SUMF1: variants seen among roughly 807,000 people sequenced by gnomAD.
SUMF1 encodes sulfatase modifying factor 1.
In SUMF1, 48 loss-of-function variants were observed where a neutral mutation model predicts 47.6. That is an observed-to-expected ratio of 1.01 (90% CI 0.80 to 1.28). The LOEUF (loss-of-function observed/expected upper bound fraction) is 1.28, where lower values mean the gene tolerates loss of function less well. Ranked by LOEUF, SUMF1 falls within the 50% of genes most tolerant of loss-of-function variation. The pLI, the probability that SUMF1 is intolerant of heterozygous loss-of-function variation, is 0.00. For missense variants in SUMF1, 571 were observed against 485.4 expected (o/e 1.18, Z -1.66); for synonymous variants, 230 against 192.1 (o/e 1.20, Z -1.63).
chr3:4,064,919 G>T (rs17039757), intron 9 of SUMF1, among the ~76,000 whole-genome samples: 7,050 of 152,262 alleles, frequency 0.046, 575 homozygotes, highest in African/African-American at 0.16. Flanking sequence ...ACAGCAAAAA[G>T]TGGTGAGTTT....
downstream of SUMF1, among the ~76,000 whole-genome samples, chr3:4,356,540 C>CT (rs1258002746): frequency 1.3e-5 from 2 of 152,050 alleles, no homozygotes; most frequent in Non-Finnish European, 2.9e-5. Flanking sequence ...TAGTACATTA[C>CT]TTACTTGATC....
chr3:4,218,409 C>T (rs73120076), intron 8 of SUMF1, among the ~76,000 whole-genome samples: 1,792 of 152,078 alleles, frequency 0.012, 40 homozygotes, highest in African/African-American at 0.041. Context: ...CACAGGCCTC[C>T]GGGAATAATA....
intron 8 of SUMF1, among the ~76,000 whole-genome samples, chr3:4,190,485 C>T (rs1695291580): frequency 1.4e-5 from 2 of 143,270 alleles, no homozygotes; most frequent in African/African-American, 6.0e-5. Flanking sequence ...TAAGAAGTAT[C>T]TTTGGCAAGA....
chr3:4,463,541 T>C (rs112475562), intron 1 of SUMF1, among the ~76,000 whole-genome samples: 22 of 152,028 alleles, frequency 1.4e-4, no homozygotes, highest in Non-Finnish European at 7.4e-5. Flanking sequence ...TTGAAGAAAA[T>C]ATACAAGTTG....
downstream of SUMF1, among the ~76,000 whole-genome samples, chr3:4,360,359 G>A (rs1030833076): frequency 7.5e-5 from 11 of 146,716 alleles, no homozygotes; most frequent in Non-Finnish European, 1.0e-4. Context: ...ACAAAGTCTT[G>A]TTCTCTTATC....
chr3:4,171,968 G>C (rs1377222581), intron 8 of SUMF1, among the ~76,000 whole-genome samples: 1 of 152,150 alleles, frequency 6.6e-6, no homozygotes, highest in East Asian at 1.9e-4. Context: ...TCACTTTTAA[G>C]AAGTGATGCT....
intron 8 of SUMF1, among the ~76,000 whole-genome samples, chr3:4,253,454 C>A: frequency 6.6e-6 from 1 of 152,210 alleles, no homozygotes; most frequent in East Asian, 1.9e-4. Context: ...ACCTGGGAAG[C>A]ACAAGGGGTC....
chr3:4,135,618 T>C (rs939049276), intron 8 of SUMF1, among the ~76,000 whole-genome samples: 11 of 152,164 alleles, frequency 7.2e-5, no homozygotes, highest in Admixed American at 4.6e-4. Context: ...TTGGAAGTTC[T>C]GGCCAGGGCC....
chr3:4,142,756 A>G (rs193294165), intron 8 of SUMF1, among the ~76,000 whole-genome samples: 4,313 of 150,464 alleles, frequency 0.029, 102 homozygotes, highest in African/African-American at 0.052. Flanking sequence ...GGATTCCCTC[A>G]CAGCCCTCAC....
chr3:4,103,905 C>T (rs1280637520), intron 8 of SUMF1, among the ~76,000 whole-genome samples: 2 of 152,148 alleles, frequency 1.3e-5, no homozygotes, highest in South Asian at 2.1e-4. Context: ...TTACCTCACA[C>T]ATTTTTCATT....
intron 8 of SUMF1, among the ~76,000 whole-genome samples, chr3:4,110,872 C>T (rs145551336): frequency 0.043 from 6,342 of 147,692 alleles, 417 homozygotes; most frequent in East Asian, 0.13. Flanking sequence ...AGGGATAGCA[C>T]TAGGAGATAT....
chr3:4,211,363 CCT>C (rs1269012846), intron 8 of SUMF1, among the ~76,000 whole-genome samples: 1 of 151,144 alleles, frequency 6.6e-6, no homozygotes, highest in Non-Finnish European at 1.5e-5. Context: ...GTGTTGTTCC[CCT>C]CTCTGTGTCC....
At chr3:4,152,915 T>C (rs752858311) in intron 8 of SUMF1, among the ~76,000 whole-genome samples, 4 of 151,518 alleles carry the variant, frequency 2.6e-5, no homozygotes, top group Non-Finnish European at 4.4e-5. Flanking sequence ...CCCTAGTCTC[T>C]CTCCCTGGCA....
chr3:4,205,238 T>C (rs1045387006), intron 8 of SUMF1, among the ~76,000 whole-genome samples: 1 of 152,176 alleles, frequency 6.6e-6, no homozygotes, highest in African/African-American at 2.4e-5. Context: ...CCCTTGAGAA[T>C]GTACTTTGTG....
intron 9 of SUMF1, among the ~76,000 whole-genome samples, chr3:4,058,081 G>A (rs1024337274): frequency 2.0e-5 from 3 of 152,164 alleles, no homozygotes; most frequent in Middle Eastern, 3.4e-3. Context: ...AGTATCCATG[G>A]AAGGAAATTG....
intron 8 of SUMF1, among the ~76,000 whole-genome samples, chr3:4,174,910 C>G (rs1200537624): frequency 1.3e-5 from 2 of 152,240 alleles, no homozygotes; most frequent in East Asian, 1.9e-4. Context: ...AGCTCCCACA[C>G]CCACGAAGCC....
chr3:4,261,087 A>G (rs1376788393), intron 8 of SUMF1, among the ~76,000 whole-genome samples: 1 of 152,236 alleles, frequency 6.6e-6, no homozygotes, highest in Non-Finnish European at 1.5e-5. Context: ...CACTGTACAG[A>G]TTGGAAAACT....
chr3:4,326,801 A>C (rs1412572502), intron 8 of SUMF1, among the ~76,000 whole-genome samples: 2 of 152,098 alleles, frequency 1.3e-5, no homozygotes, highest in Non-Finnish European at 2.9e-5. Flanking sequence ...GATTACAGAC[A>C]TAAGCCACCA....
intron 9 of SUMF1, among the ~76,000 whole-genome samples, chr3:4,046,801 A>G (rs989168715): frequency 6.6e-6 from 1 of 152,150 alleles, no homozygotes; most frequent in South Asian, 2.1e-4. Flanking sequence ...TCATCCTCCA[A>G]TAGCCTATTC....
Sources: gnomAD v4.1 joint callset for allele counts (sites outside exome capture counted in the v4.1 genomes callset) on GRCh38, gnomAD v4.1.1 for gene constraint, MANE v1.5 for transcripts, NCBI Gene and HGNC (gene_info 2026-07-23, HGNC 2026-07-21) for gene names.